Variants in MACROD2 observed in about 807,000 individuals in gnomAD.
MACROD2 encodes the protein ADP-ribose glycohydrolase MACROD2.
Under a neutral mutation model 70.4 loss-of-function variants are expected in MACROD2, and 36 were observed. The observed-to-expected ratio is 0.51, with a 90% CI of 0.39 to 0.68. The LOEUF (loss-of-function observed/expected upper bound fraction) is 0.68, where lower values mean the gene tolerates loss of function less well. Ranked by LOEUF, MACROD2 falls within the 30% of genes least tolerant of loss-of-function variation. The pLI, the probability that MACROD2 is intolerant of heterozygous loss-of-function variation, is 0.00. For missense variants in MACROD2, 496 were observed against 538.4 expected (o/e 0.92, Z 0.78); for synonymous variants, 172 against 178.8 (o/e 0.96, Z 0.30).
chr20:14,618,563 G>C (rs989952751), intron 4 of MACROD2, among the ~76,000 whole-genome samples: 4 of 152,072 alleles, frequency 2.6e-5, no homozygotes, highest in African/African-American at 9.7e-5. Flanking sequence ...GGCAGTCAGT[G>C]GCATGTGGTG....
intron 3 of MACROD2, among the ~76,000 whole-genome samples, chr20:14,340,016 T>C (rs1299373401): frequency 6.6e-6 from 1 of 152,232 alleles, no homozygotes; most frequent in Non-Finnish European, 1.5e-5. Flanking sequence ...AAATAGTATG[T>C]ACAATCTCTG....
intron 8 of MACROD2, among the ~76,000 whole-genome samples, chr20:15,695,497 A>G (rs2050355658): frequency 6.7e-6 from 1 of 148,888 alleles, no homozygotes; most frequent in Non-Finnish European, 1.5e-5. Flanking sequence ...CAACTCCTCC[A>G]TCTCCTGGGT....
chr20:15,006,990 ATAAAAG>A (rs2075043004), intron 5 of MACROD2, among the ~76,000 whole-genome samples: 1 of 151,772 alleles, frequency 6.6e-6, no homozygotes, highest in African/African-American at 2.4e-5. Context: ...CAAAATTTTG[ATAAAAG>A]CCAATTGCTT....
intron 8 of MACROD2, among the ~76,000 whole-genome samples, chr20:15,516,618 G>A (rs1277528574): frequency 1.3e-5 from 2 of 152,122 alleles, no homozygotes; most frequent in Non-Finnish European, 2.9e-5. Context: ...GTAGAGGGCA[G>A]CCTGAATGTT....
rs114584508 is a variant in MACROD2, at chr20:15,749,910, A to G, written c.646-112835A>G. Among the ~76,000 whole-genome samples, 893 of 152,242 alleles carry G rather than the reference A, an allele frequency of 5.9e-3. 8 individuals are homozygous for G. Among genetic ancestry groups the G allele is most frequent in the African/African-American group, 0.019 (810 of 41,568 alleles). ...AAAACTATGAAACTACCAGAAGAAGACACACAGGAAATGCTTTAAGACATT... is the reference window on the plus strand; with the variant it reads ...AAAACTATGAAACTACCAGAAGAAGGCACACAGGAAATGCTTTAAGACATT... On this transcript the variant is annotated intron_variant, in intron 8 of 17. Coordinates refer to ENST00000684519, the MANE Select transcript of MACROD2 (RefSeq NM_001351661.2).
chr20:14,804,455 C>T (rs1233122553), intron 5 of MACROD2, among the ~76,000 whole-genome samples: 1 of 151,978 alleles, frequency 6.6e-6, no homozygotes, highest in Non-Finnish European at 1.5e-5. Context: ...CAAGGTCACT[C>T]CATGCAACCT....
At chr20:14,076,255 A>G (rs2053915103) in intron 2 of MACROD2, among the ~76,000 whole-genome samples, 1 of 152,190 alleles carries the variant, frequency 6.6e-6, no homozygotes. Context: ...AAAATCTCAT[A>G]AGGAAGCACT....
intron 6 of MACROD2, among the ~76,000 whole-genome samples, chr20:15,418,953 C>A (rs79163568): frequency 2.0e-5 from 3 of 152,082 alleles, no homozygotes; most frequent in African/African-American, 4.8e-5. Flanking sequence ...CCAAAATAAC[C>A]CTGCAGGTTT....
At chr20:15,661,278 TTGTA>T (rs1450020778) in intron 8 of MACROD2, among the ~76,000 whole-genome samples, 1 of 152,140 alleles carries the variant, frequency 6.6e-6, no homozygotes, top group Admixed American at 6.5e-5. Context: ...GAAAAGAGGT[TTGTA>T]TGGCTCACAG....
At chr20:15,066,882 G>GAAAAAAAAA in intron 5 of MACROD2, among the ~76,000 whole-genome samples, 1 of 105,918 alleles carries the variant, frequency 9.4e-6, no homozygotes, top group Non-Finnish European at 2.0e-5. Flanking sequence ...ACTCTGTCTC[G>GAAAAAAAAA]AAAAAAAAAA....
chr20:15,026,498 AAT>A (rs981258582), intron 5 of MACROD2, among the ~76,000 whole-genome samples: 5 of 150,194 alleles, frequency 3.3e-5, no homozygotes, highest in African/African-American at 1.2e-4. Flanking sequence ...ATGATATAAT[AAT>A]ATATATAAAT....
At chr20:16,035,989 A>G (rs772223299) in intron 15 of MACROD2, among the ~76,000 whole-genome samples, 5 of 152,052 alleles carry the variant, frequency 3.3e-5, no homozygotes, top group Non-Finnish European at 5.9e-5. Context: ...GTAGATTCCC[A>G]TGAGGGTGGC....
At chr20:15,698,204 A>G (rs992810889) in intron 8 of MACROD2, among the ~76,000 whole-genome samples, 1 of 151,920 alleles carries the variant, frequency 6.6e-6, no homozygotes, top group Non-Finnish European at 1.5e-5. Context: ...TTCTGTTTTG[A>G]TATGGTTCCA....
chr20:14,679,195 G>T (rs2070899195), intron 4 of MACROD2, among the ~76,000 whole-genome samples: 1 of 152,224 alleles, frequency 6.6e-6, no homozygotes, highest in Non-Finnish European at 1.5e-5. Flanking sequence ...GTGCAAACCA[G>T]AATATGATGG....
At chr20:15,701,945 T>G (rs904718374) in intron 8 of MACROD2, among the ~76,000 whole-genome samples, 4 of 152,234 alleles carry the variant, frequency 2.6e-5, no homozygotes, top group African/African-American at 9.6e-5. Context: ...ATTAATTTGC[T>G]TATGATAATG....
chr20:14,298,439 G>A (rs2082445759), intron 3 of MACROD2, among the ~76,000 whole-genome samples: 1 of 151,526 alleles, frequency 6.6e-6, no homozygotes, highest in Non-Finnish European at 1.5e-5. Context: ...GTGGTGGTGG[G>A]TGTCTGTAAT....
chr20:15,388,063 C>A (rs568343744), intron 6 of MACROD2, among the ~76,000 whole-genome samples: 1 of 152,092 alleles, frequency 6.6e-6, no homozygotes, highest in African/African-American at 2.4e-5. Context: ...CGCTAAACTC[C>A]CCCAACCTAG....
intron 6 of MACROD2, among the ~76,000 whole-genome samples, chr20:15,402,969 G>GT (rs113940680): frequency 0.021 from 3,192 of 150,650 alleles, 95 homozygotes; most frequent in African/African-American, 0.053. Flanking sequence ...TTTGTTTTTT[G>GT]TTTTTTTTTG....
At chr20:15,206,722 T>G (rs1166920218) in intron 5 of MACROD2, among the ~76,000 whole-genome samples, 2 of 11,244 alleles carry the variant, frequency 1.8e-4, no homozygotes, top group African/African-American at 6.6e-4. Context: ...ATTATCTATG[T>G]TTTTTTTTTT....
Sources: gnomAD v4.1 joint callset for allele counts (sites outside exome capture counted in the v4.1 genomes callset) on GRCh38, gnomAD v4.1.1 for gene constraint, MANE v1.5 for transcripts, NCBI Gene and HGNC (gene_info 2026-07-23, HGNC 2026-07-21) for gene names.